Variants in NCAM1 observed in about 807,000 individuals in gnomAD.
NCAM1 encodes neural cell adhesion molecule 1, also known as antigen recognized by monoclonal antibody 5.1H11.
Under a neutral mutation model 109.8 loss-of-function variants are expected in NCAM1, and 14 were observed. That is an observed-to-expected ratio of 0.13 (90% CI 0.08 to 0.20). The LOEUF (loss-of-function observed/expected upper bound fraction) is 0.20. NCAM1 is among the 10% of genes least tolerant of loss of function. The pLI, the probability that NCAM1 is intolerant of heterozygous loss-of-function variation, is 1.00. For synonymous variants in NCAM1, 418 were observed against 442.9 expected (o/e 0.94, Z 0.70); for missense variants, 774 against 1,109.9 (o/e 0.70, Z 4.30).
intron 1 of NCAM1, among the ~76,000 whole-genome samples, chr11:112,972,550 A>G (rs946763329): frequency 6.6e-6 from 1 of 152,134 alleles, no homozygotes; most frequent in African/African-American, 2.4e-5. Context: ...AATCTTGTTA[A>G]AAAACGTCTT....
intron 1 of NCAM1, among the ~76,000 whole-genome samples, chr11:113,075,606 A>G (rs1462045548): frequency 6.6e-6 from 1 of 152,152 alleles, no homozygotes; most frequent in Non-Finnish European, 1.5e-5. Context: ...CTCTACAAAT[A>G]TGAGTTTGAA....
intron 1 of NCAM1, among the ~76,000 whole-genome samples, chr11:112,971,729 A>C (rs1468705922): frequency 6.6e-6 from 1 of 152,146 alleles, no homozygotes; most frequent in Non-Finnish European, 1.5e-5. Context: ...TGGGAATACC[A>C]GGTAGCATCT....
At chr11:113,224,384 G>A (rs1023517473) in intron 9 of NCAM1, among the ~76,000 whole-genome samples, 3 of 152,236 alleles carry the variant, frequency 2.0e-5, no homozygotes, top group Non-Finnish European at 2.9e-5. Flanking sequence ...AAGGCTGGGG[G>A]AGGGGCGCCC....
intron 18 of NCAM1, 38 bp downstream of exon 18, chr11:113,270,433 T>C: frequency 6.2e-7 from 1 of 1,601,592 alleles, no homozygotes; most frequent in Admixed American, 1.7e-5. Context: ...AGGTTTGGGC[T>C]CTGCTCCAGC....
rs1171220817 is a variant in NCAM1, at chr11:113,189,307, A to G, written c.53-13072A>G. On this transcript the variant is annotated intron_variant, in intron 1 of 19. Transcript: ENST00000316851. ...TGTACTAAAAATGCAAAAATTAGCC[A>G]GGCATGGTGGCGTGTGCTTGTAGTC... 2.0e-5 allele frequency among the ~76,000 whole-genome samples: 3 copies of G among 151,974 alleles called. No homozygotes were observed. In the South Asian group the frequency reaches 6.3e-4, roughly 32 times the overall value.
In NCAM1 at chr11:113,275,285, A is replaced by G. The variant is rs375010721; in HGVS notation, c.2475A>G (p.Ala825=). The G allele has an allele frequency of 3.1e-6, 5 of 1,613,828 alleles. No individual in the cohort carries two copies. Among genetic ancestry groups the G allele is most frequent in the Non-Finnish European group, 4.2e-6 (5 of 1,179,834 alleles). The change falls in exon 20 of 20, where the codon GCA becomes GCG. Residue 825 remains alanine (A), a synonymous_variant. Transcript: ENST00000316851. The stretch of plus-strand genomic sequence containing the variant: ...TCTGCAGGAAGGGCCCCGTAGAAGC[A>G]AAGCCAGAGTGCCAGGAGACAGAAA... ...LTEPEKGPVE[A]KPECQETETK... is the part of the protein sequence containing the mutation.
At chr11:113,026,839 T>C (rs782536015) in intron 1 of NCAM1, among the ~76,000 whole-genome samples, 4 of 152,226 alleles carry the variant, frequency 2.6e-5, no homozygotes, top group Non-Finnish European at 5.9e-5. Flanking sequence ...ATTTTATAGC[T>C]GGAAAACAGG....
At chr11:113,077,330 G>A (rs1938573360) in intron 1 of NCAM1, among the ~76,000 whole-genome samples, 1 of 152,160 alleles carries the variant, frequency 6.6e-6, no homozygotes, top group African/African-American at 2.4e-5. Context: ...CATTTACTGG[G>A]CAAAGAAGGG....
intron 17 of NCAM1, chr11:113,265,201 A>G (rs1555124199): frequency 2.3e-5 from 23 of 980,352 alleles, no homozygotes; most frequent in Non-Finnish European, 2.8e-5. Context: ...ATGTGAACTC[A>G]CCAGCGTGGC....
intron 1 of NCAM1, among the ~76,000 whole-genome samples, chr11:113,052,005 C>T (rs538213396): frequency 3.9e-5 from 6 of 152,300 alleles, no homozygotes; most frequent in African/African-American, 7.2e-5. Flanking sequence ...CTCCTGTGGC[C>T]GCATGAACTC....
At chr11:113,225,476 G>A (rs1325018976) in intron 9 of NCAM1, among the ~76,000 whole-genome samples, 5 of 152,190 alleles carry the variant, frequency 3.3e-5, no homozygotes, top group East Asian at 3.8e-4. Context: ...TGAAAGTGAC[G>A]GGGAGAATGG....
chr11:113,009,312 G>GTTTTTTTGTTGTTTTTTTTTT lies in NCAM1; in HGVS notation c.52+47655_52+47656insGTTGTTTTTTTTTTTTTTTTT, dbSNP rs1555073910. Among the ~76,000 whole-genome samples the GTTTTTTTGTTGTTTTTTTTTT allele has an allele frequency of 2.5e-4, 20 of 79,690 alleles. 3 individuals are homozygous for GTTTTTTTGTTGTTTTTTTTTT. The highest frequency in any genetic ancestry group is 1.8e-3 in the South Asian group (3 of 1,712). 52.3% of individuals were successfully genotyped at this position (79,690 alleles called of 152,430 possible). A position where few individuals can be genotyped will look rare whatever the true frequency, so the allele number is the denominator to read the frequency against. On this transcript the variant is annotated intron_variant, in intron 1 of 19. Coordinates refer to ENST00000316851, the MANE Select transcript of NCAM1 (RefSeq NM_181351.5). ...GATTTAATTGGAAGGGTTTTTTCGG[G>GTTTTTTTGTTGTTTTTTTTTT]TTTTTTTTTTTTTTTTTTTTTTTTT...
chr11:113,165,454 T>C (rs1425169181), intron 1 of NCAM1, among the ~76,000 whole-genome samples: 1 of 152,110 alleles, frequency 6.6e-6, no homozygotes, highest in Admixed American at 6.6e-5. Flanking sequence ...AAGCAGAGAA[T>C]GGGAAGTACT....
chr11:112,980,951 T>C (rs1187361476), intron 1 of NCAM1, among the ~76,000 whole-genome samples: 2 of 151,850 alleles, frequency 1.3e-5, no homozygotes, highest in African/African-American at 4.8e-5. Flanking sequence ...GAAGCATCTG[T>C]TTCTGCCGGT....
chr11:113,242,805 C>T (rs782512264), intron 14 of NCAM1: 1 of 1,613,652 alleles, frequency 6.2e-7, no homozygotes, highest in Non-Finnish European at 8.5e-7. Context: ...GTTTCCATAG[C>T]AACTTGGCCT....
In NCAM1 at chr11:113,270,176, C is replaced by T. The variant is rs1555124989; in HGVS notation, c.2132-12C>T. 8 of 1,613,728 alleles carry T rather than the reference C, an allele frequency of 5.0e-6. No homozygotes were observed. The highest frequency in any genetic ancestry group is 1.1e-5 in the South Asian group (1 of 91,076). On this transcript the variant is annotated splice_polypyrimidine_tract_variant and intron_variant, in intron 17 of 19. Coordinates refer to ENST00000316851, the MANE Select transcript of NCAM1 (RefSeq NM_181351.5). ...AGTCTGTTAACCACCAGCCATCTCTCTCCCACTCAAGCCAACGGCAGCCCC... is the reference window on the plus strand; with the variant it reads ...AGTCTGTTAACCACCAGCCATCTCTTTCCCACTCAAGCCAACGGCAGCCCC...
At chr11:112,972,010 C>A (rs1203710011) in intron 1 of NCAM1, among the ~76,000 whole-genome samples, 1 of 152,118 alleles carries the variant, frequency 6.6e-6, no homozygotes, top group Non-Finnish European at 1.5e-5. Context: ...AATAACAAAG[C>A]AACCAGCAAG....
chr11:113,191,102 A>G (rs1239580877), intron 1 of NCAM1, among the ~76,000 whole-genome samples: 1 of 152,216 alleles, frequency 6.6e-6, no homozygotes, highest in African/African-American at 2.4e-5. Context: ...TAGATGGGAA[A>G]ATGAAAATCC....
intron 9 of NCAM1, among the ~76,000 whole-genome samples, chr11:113,227,832 C>A (rs1460684604): frequency 6.6e-6 from 1 of 152,176 alleles, no homozygotes. Flanking sequence ...AAGACAAAAA[C>A]CACATGATTA....
Sources: allele counts gnomAD v4.1 joint callset (sites outside exome capture counted in the v4.1 genomes callset), GRCh38; gene constraint gnomAD v4.1.1; transcripts MANE v1.5; gene names NCBI Gene and HGNC (gene_info 2026-07-23, HGNC 2026-07-21).